The following GRIA3 variants were observed in gnomAD, a reference collection of about 807,000 sequenced individuals.
GRIA3 encodes the protein glutamate receptor 3.
GRIA3 carries 3 observed loss-of-function variants against 63.0 expected under a neutral mutation model. That is an observed-to-expected ratio of 0.05 (90% CI 0.02 to 0.12). GRIA3 has a LOEUF of 0.12. Ranked by LOEUF, GRIA3 falls within the 10% of genes least tolerant of loss-of-function variation. GRIA3 has a pLI of 1.00. For missense variants in GRIA3, 347 were observed against 700.9 expected, an observed-to-expected ratio of 0.50 and a Z score of 5.70; for synonymous variants, 274 against 257.9, an observed-to-expected ratio of 1.06 and a Z score of -0.60.
intron 13 of GRIA3, among the ~76,000 whole-genome samples, chrX:123,471,506 G>T (rs1052777582): frequency 7.2e-5 from 8 of 111,594 alleles, no homozygotes; most frequent in Non-Finnish European, 1.5e-4. Flanking sequence ...CAGAGCTACA[G>T]AAAGAGCCAC....
chrX:123,431,107 T>C (rs2045616206), intron 12 of GRIA3, among the ~76,000 whole-genome samples: 1 of 109,929 alleles, frequency 9.1e-6, no homozygotes, highest in African/African-American at 3.3e-5. Context: ...TGAAACAAGA[T>C]CACATGCAAC....
At chrX:123,465,273 A>G (rs1321336380) in intron 13 of GRIA3, among the ~76,000 whole-genome samples, 161 bp downstream of exon 13, 2 of 111,336 alleles carry the variant, frequency 1.8e-5, no homozygotes, top group Non-Finnish European at 3.8e-5. Flanking sequence ...TTATGGTTTC[A>G]TCTATTTAAT....
intron 15 of GRIA3, among the ~76,000 whole-genome samples, chrX:123,487,905 A>G (rs2045950087): frequency 8.9e-6 from 1 of 112,228 alleles, no homozygotes. Flanking sequence ...GTGGTAGATC[A>G]TAATTACGTC....
chrX:123,368,151 C>T (rs1457745936), intron 5 of GRIA3, among the ~76,000 whole-genome samples: 2 of 111,345 alleles, frequency 1.8e-5, no homozygotes, highest in Non-Finnish European at 3.8e-5. Flanking sequence ...GTCTGATAGG[C>T]AGATGCTTCA....
At chrX:123,309,131 T>A (rs902311365) in intron 3 of GRIA3, among the ~76,000 whole-genome samples, 1 of 111,616 alleles carries the variant, frequency 9.0e-6, no homozygotes, top group Admixed American at 9.5e-5. Context: ...ATACCTGTAA[T>A]CCCAACATTT....
chrX:123,445,652 G>C (rs1225130131), intron 12 of GRIA3, among the ~76,000 whole-genome samples: 2 of 112,074 alleles, frequency 1.8e-5, no homozygotes, highest in Non-Finnish European at 3.8e-5. Context: ...AACACAGCAG[G>C]ACCCTGCCTT....
At chrX:123,480,201 T>C in intron 14 of GRIA3, 24 bp downstream of exon 14, 2 of 937,728 alleles carry the variant, frequency 2.1e-6, no homozygotes, top group Non-Finnish European at 3.1e-6. Flanking sequence ...GGTCTTTTTG[T>C]ACTGATTAGC....
chrX:123,344,101 C>T, intron 4 of GRIA3, among the ~76,000 whole-genome samples: 1 of 111,999 alleles, frequency 8.9e-6, no homozygotes. Flanking sequence ...AAGAACTGGT[C>T]GATCTGACTC....
chrX:123,256,064 C>G (rs2044418006), intron 3 of GRIA3, among the ~76,000 whole-genome samples: 3 of 111,562 alleles, frequency 2.7e-5, no homozygotes, highest in Non-Finnish European at 5.7e-5. Context: ...GCACCAGAAC[C>G]ATGCCTGCCT....
At chrX:123,282,232 T>C (rs1342171891) in intron 3 of GRIA3, among the ~76,000 whole-genome samples, 1 of 112,293 alleles carries the variant, frequency 8.9e-6, no homozygotes, top group Admixed American at 9.4e-5. Flanking sequence ...TATTTCAGAA[T>C]ATATGCATGA....
chrX:123,225,113 C>G (rs995740408), intron 2 of GRIA3, among the ~76,000 whole-genome samples: 4 of 112,021 alleles, frequency 3.6e-5, no homozygotes, highest in Non-Finnish European at 7.5e-5. Flanking sequence ...GAATCAGAGA[C>G]TTGGATTTTA....
At chrX:123,317,270 C>A (rs898406713) in intron 3 of GRIA3, among the ~76,000 whole-genome samples, 3 of 111,194 alleles carry the variant, frequency 2.7e-5, no homozygotes, top group African/African-American at 9.8e-5. Context: ...GGGGACACAG[C>A]CAAACCATAT....
At chrX:123,274,205 G>GTTGT (rs748138141) in intron 3 of GRIA3, among the ~76,000 whole-genome samples, 1 of 112,653 alleles carries the variant, frequency 8.9e-6, no homozygotes, top group Non-Finnish European at 1.9e-5. Context: ...AAAATTATTT[G>GTTGT]TTGTTTATTT....
intron 12 of GRIA3, among the ~76,000 whole-genome samples, chrX:123,433,652 T>C (rs969083085): frequency 8.9e-6 from 1 of 111,891 alleles, no homozygotes; most frequent in Admixed American, 9.5e-5. Flanking sequence ...TTTTTAAAAA[T>C]GAAATGTTTA....
At chrX:123,244,151 T>C (rs2044345396) in intron 2 of GRIA3, among the ~76,000 whole-genome samples, 1 of 112,540 alleles carries the variant, frequency 8.9e-6, no homozygotes. Flanking sequence ...CAGTATGCTC[T>C]TGAGAGCTGA....
chrX:123,217,053 A>G (rs1271879749), intron 2 of GRIA3, among the ~76,000 whole-genome samples: 1 of 111,786 alleles, frequency 8.9e-6, no homozygotes, highest in Non-Finnish European at 1.9e-5. Flanking sequence ...GGGACCATGG[A>G]CATTTCTGCA....
At chrX:123,348,899 C>T (rs1460457895) in intron 4 of GRIA3, among the ~76,000 whole-genome samples, 5 of 112,150 alleles carry the variant, frequency 4.5e-5, no homozygotes, top group Non-Finnish European at 9.4e-5. Context: ...ACTAACCTTT[C>T]ATCAGGACAG....
At chrX:123,221,540 A>G (rs1413339858) in intron 2 of GRIA3, among the ~76,000 whole-genome samples, 2 of 112,094 alleles carry the variant, frequency 1.8e-5, no homozygotes, top group Admixed American at 9.4e-5. Context: ...AGCATGTGTG[A>G]GACTATCCAG....
intron 15 of GRIA3, 70 bp downstream of exon 15, chrX:123,483,116 T>G: frequency 1.1e-6 from 1 of 934,093 alleles, no homozygotes; most frequent in Non-Finnish European, 1.5e-6. Flanking sequence ...TTCTTCTTTT[T>G]TTTTTTTTTT....
Sources: gnomAD v4.1 joint callset for allele counts (sites outside exome capture counted in the v4.1 genomes callset) on GRCh38, gnomAD v4.1.1 for gene constraint, MANE v1.5 for transcripts, NCBI Gene and HGNC (gene_info 2026-07-23, HGNC 2026-07-21) for gene names.